SLC25A21: variants seen among roughly 807,000 people sequenced by gnomAD.
SLC25A21 encodes the protein solute carrier family 25 member 21.
A neutral mutation model predicts 43.8 loss-of-function variants in SLC25A21; 47 were observed. The ratio of observed to expected loss-of-function variants is 1.07; its 90% CI spans 0.85 to 1.37. The LOEUF is 1.37. Among genes scored for constraint, SLC25A21 ranks in the 40% most tolerant of loss-of-function variants. SLC25A21 has a pLI of 0.00. For missense variants in SLC25A21, 352 were observed against 350.2 expected (o/e 1.00, Z -0.04); for synonymous variants, 131 against 121.3 (o/e 1.08, Z -0.52).
rs558802070 is a variant in SLC25A21, at chr14:36,721,191, T to C, written c.438+4379A>G. On this transcript the variant is annotated intron_variant, in intron 6 of 9. Transcript: ENST00000331299. ...ATATATTAACACATTAAAATTCTCATAACAATCATGTTGTAATAATAATGA... is the reference window on the plus strand; with the variant it reads ...ATATATTAACACATTAAAATTCTCACAACAATCATGTTGTAATAATAATGA... Among the ~76,000 whole-genome samples the C allele has an allele frequency of 6.6e-5, 10 of 152,364 alleles. No homozygotes were observed. In the South Asian group the frequency reaches 2.1e-3, roughly 32 times the overall value.
chr14:36,923,362 A>G (rs951797235), intron 1 of SLC25A21, among the ~76,000 whole-genome samples: 1 of 152,184 alleles, frequency 6.6e-6, no homozygotes, highest in Non-Finnish European at 1.5e-5. Flanking sequence ...CAAGAGTAAA[A>G]TAAAGACTTT....
At chr14:37,123,224 G>A (rs1320041297) in intron 1 of SLC25A21, among the ~76,000 whole-genome samples, 1 of 152,190 alleles carries the variant, frequency 6.6e-6, no homozygotes, top group Non-Finnish European at 1.5e-5. Context: ...TGGGGAGATG[G>A]AGGTAGAAAG....
At chr14:37,136,825 T>C (rs1237005736) in intron 1 of SLC25A21, among the ~76,000 whole-genome samples, 3 of 152,184 alleles carry the variant, frequency 2.0e-5, no homozygotes, top group Non-Finnish European at 4.4e-5. Flanking sequence ...TATTGTATCA[T>C]TCCAACTGTA....
intron 1 of SLC25A21, among the ~76,000 whole-genome samples, chr14:37,108,167 C>T (rs1566887157): frequency 1.3e-5 from 2 of 152,102 alleles, no homozygotes; most frequent in African/African-American, 2.4e-5. Context: ...TGTAAATGTA[C>T]GGTGCAGTAT....
intron 1 of SLC25A21, among the ~76,000 whole-genome samples, chr14:36,947,609 C>T (rs1291699482): frequency 1.3e-5 from 2 of 150,620 alleles, no homozygotes; most frequent in Non-Finnish European, 2.9e-5. Flanking sequence ...TTCAGAATGG[C>T]TTCTCCCCAT....
intron 1 of SLC25A21, among the ~76,000 whole-genome samples, chr14:36,999,515 G>A (rs1300858074): frequency 6.6e-6 from 1 of 152,086 alleles, no homozygotes; most frequent in South Asian, 2.1e-4. Context: ...AGGGACTTTA[G>A]GTGATAATGA....
rs1438743562 is a variant in SLC25A21 at position 37,172,508 on chromosome 14, C to T, written c.-158G>A. 7 of 810,488 alleles carry T rather than the reference C, an allele frequency of 8.6e-6. No homozygotes were observed. Among genetic ancestry groups the T allele is most frequent in the African/African-American group, 1.7e-5 (1 of 58,920 alleles). 50.2% of individuals were successfully genotyped at this position (810,488 alleles called of 1,614,324 possible). On this transcript the variant is annotated 5_prime_UTR_variant, in exon 1 of 10. Transcript: ENST00000331299. ...CGGCGACTGCTGGAAAGCGAGGGTT[C>T]GAGGCGCAGATTCGTCGCGCGATCT...
intron 1 of SLC25A21, among the ~76,000 whole-genome samples, chr14:36,979,313 T>C (rs10130430): frequency 0.42 from 62,198 of 148,936 alleles, 15,801 homozygotes; most frequent in African/African-American, 0.73. Context: ...AAATAACCAA[T>C]TAAGGTAGTG....
chr14:36,725,765 C>A, intron 5 of SLC25A21, 88 bp from the exon 6 acceptor site: 13 of 733,974 alleles, frequency 1.8e-5, no homozygotes, highest in Non-Finnish European at 2.6e-5. Context: ...TGCAGCTGAA[C>A]GTTATAAAGA....
intron 3 of SLC25A21, among the ~76,000 whole-genome samples, chr14:36,742,888 G>C (rs997200368): frequency 2.0e-5 from 3 of 152,160 alleles, no homozygotes; most frequent in Admixed American, 2.0e-4. Flanking sequence ...ATTATACGCT[G>C]TATGGAGGAA....
chr14:36,703,557 CA>C (rs1411319158), intron 7 of SLC25A21, among the ~76,000 whole-genome samples: 1 of 152,162 alleles, frequency 6.6e-6, no homozygotes, highest in Non-Finnish European at 1.5e-5. Flanking sequence ...TGGCAAAATT[CA>C]ACACAAAAGG....
chr14:37,135,836 T>C (rs1214958684), intron 1 of SLC25A21, among the ~76,000 whole-genome samples: 3 of 152,228 alleles, frequency 2.0e-5, no homozygotes, highest in African/African-American at 7.2e-5. Flanking sequence ...CTCCTCAGTT[T>C]CCTAATTAAA....
intron 1 of SLC25A21, among the ~76,000 whole-genome samples, chr14:37,012,109 T>C (rs1960746520): frequency 6.6e-6 from 1 of 152,148 alleles, no homozygotes. Flanking sequence ...TTCAAATCCA[T>C]GCTTCAGCAA....
At chr14:36,896,853 G>T (rs1163046938) in intron 1 of SLC25A21, among the ~76,000 whole-genome samples, 3 of 152,198 alleles carry the variant, frequency 2.0e-5, no homozygotes, top group Non-Finnish European at 4.4e-5. Context: ...CTTTAAGAAT[G>T]TTGAATATTG....
At chr14:36,756,991 T>C (rs1325534) in intron 3 of SLC25A21, among the ~76,000 whole-genome samples, 25,352 of 151,548 alleles carry the variant, frequency 0.17, 2,410 homozygotes, top group Middle Eastern at 0.25. Context: ...TGGTGGCTCA[T>C]GCCTGTAATC....
chr14:36,985,422 C>A (rs1483208724), intron 1 of SLC25A21, among the ~76,000 whole-genome samples: 1 of 152,054 alleles, frequency 6.6e-6, no homozygotes, highest in Non-Finnish European at 1.5e-5. Flanking sequence ...TACTCTATAG[C>A]AAAGAATCCA....
intron 2 of SLC25A21, among the ~76,000 whole-genome samples, chr14:36,846,050 T>A (rs1290128484): frequency 1.3e-5 from 2 of 152,194 alleles, no homozygotes; most frequent in African/African-American, 4.8e-5. Flanking sequence ...ATTAGGATAT[T>A]TATTTGCTCC....
At chr14:37,081,473 TG>T (rs1962386630) in intron 1 of SLC25A21, among the ~76,000 whole-genome samples, 1 of 152,194 alleles carries the variant, frequency 6.6e-6, no homozygotes, top group African/African-American at 2.4e-5. Context: ...ATTTGCTTCT[TG>T]TTTCTGTCTA....
intron 2 of SLC25A21, among the ~76,000 whole-genome samples, chr14:36,844,540 T>C (rs1306486965): frequency 6.6e-6 from 1 of 152,190 alleles, no homozygotes; most frequent in Non-Finnish European, 1.5e-5. Flanking sequence ...CACTCAATCA[T>C]TTCCATTTTA....
Sources: allele counts gnomAD v4.1 joint callset (sites outside exome capture counted in the v4.1 genomes callset), GRCh38; gene constraint gnomAD v4.1.1; transcripts MANE v1.5; gene names NCBI Gene and HGNC (gene_info 2026-07-23, HGNC 2026-07-21).